Variants in NCK2 observed in about 807,000 individuals in gnomAD.
NCK2 encodes NCK adaptor protein 2, also known as cytoplasmic protein NCK2.
In NCK2, 16 loss-of-function variants were observed where a neutral mutation model predicts 33.9. The ratio of observed to expected loss-of-function variants is 0.47; its 90% confidence interval spans 0.32 to 0.72. The LOEUF (loss-of-function observed/expected upper bound fraction) is 0.72, where lower values mean the gene tolerates loss of function less well. Among genes scored for constraint, NCK2 ranks in the 30% least tolerant of loss-of-function variants. The probability of loss-of-function intolerance (pLI) is 0.03; values close to 1 mark genes in which losing one functional copy is unlikely to be tolerated. For synonymous variants in NCK2, 273 were observed against 239.9 expected (o/e 1.14, Z -1.27); for missense variants, 418 against 537.3 (o/e 0.78, Z 2.19).
chr2:105,768,349 G>A (rs963274619), intron 1 of NCK2, among the ~76,000 whole-genome samples: 5 of 152,144 alleles, frequency 3.3e-5, no homozygotes, highest in Non-Finnish European at 7.4e-5. Context: ...CCCCTAATTT[G>A]GTTCAGTTCT....
chr2:105,830,180 G>C (rs1676113165), intron 2 of NCK2, among the ~76,000 whole-genome samples: 1 of 151,868 alleles, frequency 6.6e-6, no homozygotes, highest in Admixed American at 6.6e-5. Flanking sequence ...CTCCTATCTA[G>C]CTGTAATTTT....
At chr2:105,785,034 A>G (rs1010551528) in intron 1 of NCK2, among the ~76,000 whole-genome samples, 1 of 152,172 alleles carries the variant, frequency 6.6e-6, no homozygotes, top group Non-Finnish European at 1.5e-5. Context: ...GCTGGAGTGC[A>G]GTGGCGCGAT....
At chr2:105,787,663 C>T (rs1188326403) in intron 1 of NCK2, among the ~76,000 whole-genome samples, 1 of 152,130 alleles carries the variant, frequency 6.6e-6, no homozygotes, top group African/African-American at 2.4e-5. Flanking sequence ...TCTCTCCCTG[C>T]GGTGGAGACT....
At chr2:105,776,882 C>T (rs537610084) in intron 1 of NCK2, among the ~76,000 whole-genome samples, 1 of 151,852 alleles carries the variant, frequency 6.6e-6, no homozygotes, top group South Asian at 2.1e-4. Flanking sequence ...CCTTGGGGTT[C>T]TTCCTGACCC....
At chr2:105,755,259 G>A (rs1689568055) in intron 1 of NCK2, among the ~76,000 whole-genome samples, 1 of 152,138 alleles carries the variant, frequency 6.6e-6, no homozygotes, top group East Asian at 1.9e-4. Flanking sequence ...GTGAAGAAAT[G>A]GTGGCATTAT....
chr2:105,814,427 G>A (rs965925278), intron 1 of NCK2, among the ~76,000 whole-genome samples: 7 of 152,168 alleles, frequency 4.6e-5, no homozygotes, highest in Non-Finnish European at 8.8e-5. Flanking sequence ...GTCCTGCTCC[G>A]TTCTGTCTGG....
chr2:105,838,957 A>G (rs185549783), intron 2 of NCK2, among the ~76,000 whole-genome samples: 9 of 152,370 alleles, frequency 5.9e-5, no homozygotes, highest in African/African-American at 2.2e-4. Context: ...AAAAAGAGAA[A>G]ACAGAAGAAA....
chr2:105,882,673 G>C (rs1157369804), intron 4 of NCK2, among the ~76,000 whole-genome samples: 4 of 152,160 alleles, frequency 2.6e-5, no homozygotes, highest in African/African-American at 4.8e-5. Flanking sequence ...TGGGGCAGCA[G>C]ACCCAGTTCA....
chr2:105,784,729 AGT>A (rs1160007087), intron 1 of NCK2, among the ~76,000 whole-genome samples: 3 of 152,216 alleles, frequency 2.0e-5, no homozygotes, highest in Admixed American at 2.0e-4. Context: ...CTGGAGGAGC[AGT>A]GTGTCTGTTG....
At chr2:105,849,232 A>C (rs1676966408) in intron 2 of NCK2, among the ~76,000 whole-genome samples, 1 of 152,210 alleles carries the variant, frequency 6.6e-6, no homozygotes, top group Non-Finnish European at 1.5e-5. Context: ...CCATATCTAC[A>C]AAAAGTAAAA....
chr2:105,821,621 C>T (rs200123040), intron 2 of NCK2, among the ~76,000 whole-genome samples: 71 of 152,240 alleles, frequency 4.7e-4, no homozygotes, highest in Admixed American at 4.2e-3. Flanking sequence ...CACAGTGCCC[C>T]GGTGGTGCAG....
At chr2:105,763,311 C>G (rs921913189) in intron 1 of NCK2, among the ~76,000 whole-genome samples, 1 of 152,132 alleles carries the variant, frequency 6.6e-6, no homozygotes, top group African/African-American at 2.4e-5. Context: ...CTCTGATGAC[C>G]GAGCTGCTGG....
chr2:105,862,622 G>A (rs1043334407), intron 3 of NCK2, among the ~76,000 whole-genome samples: 3 of 152,158 alleles, frequency 2.0e-5, no homozygotes, highest in Non-Finnish European at 4.4e-5. Flanking sequence ...GAGAAACCTC[G>A]GGAGTAACTA....
chr2:105,796,210 T>C (rs1573603643), intron 1 of NCK2, among the ~76,000 whole-genome samples: 1 of 152,180 alleles, frequency 6.6e-6, no homozygotes, highest in Non-Finnish European at 1.5e-5. Context: ...GGCTTCAGGG[T>C]TGAAAGACAA....
rs1689220338 is a variant in NCK2 at position 105,744,984 on chromosome 2, C to T, written c.-355C>T. On this transcript the variant is annotated 5_prime_UTR_variant, in exon 1 of 5. Coordinates refer to ENST00000233154, the MANE Select transcript of NCK2 (RefSeq NM_003581.5). The stretch of plus-strand genomic sequence containing the variant: ...TGGCGGCCGGGAGGCTCGCGGCGCC[C>T]GGGCCGGCAGGGTCCGCCCGGGCCG... 7.1e-6 allele frequency: 1 copy of T among 140,044 alleles called. No individual in the cohort carries two copies. The highest frequency in any genetic ancestry group is 2.7e-5 in the African/African-American group (1 of 37,734). 8.7% of individuals were successfully genotyped at this position (140,044 alleles called of 1,614,324 possible).
intron 1 of NCK2, among the ~76,000 whole-genome samples, chr2:105,801,577 G>A (rs907144003): frequency 3.3e-5 from 5 of 152,024 alleles, no homozygotes; most frequent in Admixed American, 2.6e-4. Flanking sequence ...AAGGAAAGCT[G>A]GAGTTAGGGG....
At chr2:105,847,891 C>A (rs1676913327) in intron 2 of NCK2, among the ~76,000 whole-genome samples, 1 of 152,096 alleles carries the variant, frequency 6.6e-6, no homozygotes, top group South Asian at 2.1e-4. Context: ...ATTAGCCACA[C>A]TGGGAGCATT....
At chr2:105,770,446 T>TA (rs1690096416) in intron 1 of NCK2, among the ~76,000 whole-genome samples, 1 of 152,238 alleles carries the variant, frequency 6.6e-6, no homozygotes, top group Admixed American at 6.5e-5. Flanking sequence ...GTGCTTTTCT[T>TA]ACAACTAAGA....
chr2:105,860,503 C>T (rs1276718644), intron 3 of NCK2, among the ~76,000 whole-genome samples: 1 of 152,074 alleles, frequency 6.6e-6, no homozygotes, highest in Non-Finnish European at 1.5e-5. Flanking sequence ...GGAGGGGCAT[C>T]GCATTGCTGG....
Sources: gnomAD v4.1 joint callset for allele counts (sites outside exome capture counted in the v4.1 genomes callset) on GRCh38, gnomAD v4.1.1 for gene constraint, MANE v1.5 for transcripts, NCBI Gene and HGNC (gene_info 2026-07-23, HGNC 2026-07-21) for gene names.